The following RIMBP2 variants were observed in gnomAD, a reference collection of about 807,000 sequenced individuals.
The protein encoded by RIMBP2 is RIMS binding protein 2.
A neutral mutation model predicts 118.6 loss-of-function variants in RIMBP2; 48 were observed. That is an observed-to-expected ratio of 0.40 (90% CI 0.32 to 0.51). The LOEUF (loss-of-function observed/expected upper bound fraction) is 0.51, where lower values mean the gene tolerates loss of function less well. Ranked by LOEUF, RIMBP2 falls within the 20% of genes least tolerant of loss-of-function variation. The pLI is 0.41. For missense variants in RIMBP2, 1,551 were observed against 1,768.3 expected (o/e 0.88, Z 2.20); for synonymous variants, 762 against 742.9 (o/e 1.03, Z -0.42).
intron 2 of RIMBP2, among the ~76,000 whole-genome samples, chr12:130,558,859 C>T (rs1306747653): frequency 2.0e-5 from 3 of 152,010 alleles, no homozygotes; most frequent in Admixed American, 6.5e-5. Context: ...ATGACATTTG[C>T]TGTTAACAAA....
intron 1 of RIMBP2, among the ~76,000 whole-genome samples, chr12:130,639,487 C>CAAAAAAAAAAA (rs138670754): frequency 6.8e-5 from 6 of 88,062 alleles, no homozygotes; most frequent in African/African-American, 2.9e-4. Flanking sequence ...GATCCTGCCT[C>CAAAAAAAAAAA]AAAAAAAAAA....
intron 6 of RIMBP2, among the ~76,000 whole-genome samples, chr12:130,462,377 G>A (rs557695644): frequency 5.9e-5 from 9 of 152,282 alleles, no homozygotes; most frequent in South Asian, 4.1e-4. Flanking sequence ...GGAAGGCCGC[G>A]CTGCCGCAAG....
Position 130,414,221 on chromosome 12 carries a change from G to T in RIMBP2, c.3324C>A (p.Ile1108=). 6.2e-7 allele frequency: 1 copy of T among 1,614,218 alleles called. No individual in the cohort carries two copies. Among genetic ancestry groups the T allele is most frequent in the Non-Finnish European group, 8.5e-7 (1 of 1,180,028 alleles). ...GGTCGTAGTCAAAGAGAGCCACAAA[G>T]ATCCGGGCCGGGAGCTCTTCGGCAC... ...DPGAEELPAR[I]FVALFDYDPL... is the part of the protein sequence containing the mutation. The change falls in exon 18 of 23, where the codon ATC becomes ATA. Residue 1108 remains isoleucine, a synonymous_variant. Transcript: ENST00000690449.
Position 130,623,163 on chromosome 12 carries a change from G to A in RIMBP2, c.-217+5159C>T, listed in dbSNP as rs1270347201. On this transcript the variant is annotated intron_variant, in intron 2 of 22. Transcript: ENST00000690449. The surrounding 1 kb of genome is among the most constrained non-coding windows in gnomAD (Gnocchi z 4.1). ...TGAGGTAATTCCATCCTGCATTATT[G>A]AATTTAAAAAGCATATTATGATGAA... Among the ~76,000 whole-genome samples, 7 of 152,192 alleles carry A rather than the reference G, an allele frequency of 4.6e-5. No individual in the cohort carries two copies. Among genetic ancestry groups the A allele is most frequent in the Admixed American group, 1.3e-4 (2 of 15,286 alleles).
chr12:130,661,740 C>T (rs2063673604), intron 1 of RIMBP2, among the ~76,000 whole-genome samples: 1 of 152,166 alleles, frequency 6.6e-6, no homozygotes, highest in East Asian at 1.9e-4. Context: ...GTTTTGGTAA[C>T]TGATGAATCA....
chr12:130,589,975 G>A (rs761075878), intron 2 of RIMBP2, among the ~76,000 whole-genome samples: 19 of 152,180 alleles, frequency 1.2e-4, no homozygotes, highest in Non-Finnish European at 2.5e-4. Flanking sequence ...CTCCCCAGGT[G>A]CAGATGTGGT....
At chr12:130,580,181 G>GAGCA (rs1303789316) in intron 2 of RIMBP2, among the ~76,000 whole-genome samples, 1 of 144,212 alleles carries the variant, frequency 6.9e-6, no homozygotes, top group Non-Finnish European at 1.5e-5. Flanking sequence ...CTGGGTGACA[G>GAGCA]AGCAAGACTC....
At chr12:130,534,514 T>G (rs556396912) in intron 2 of RIMBP2, among the ~76,000 whole-genome samples, 9 of 152,324 alleles carry the variant, frequency 5.9e-5, no homozygotes, top group African/African-American at 2.2e-4. Flanking sequence ...AATATATCCA[T>G]GTAGCAAAAC....
intron 4 of RIMBP2, among the ~76,000 whole-genome samples, chr12:130,496,720 T>C (rs1408463386): frequency 1.3e-5 from 2 of 152,148 alleles, no homozygotes; most frequent in Non-Finnish European, 2.9e-5. Context: ...GATGGCCTCC[T>C]TCAGGCACAC....
At chr12:130,681,686 G>A (rs1046349625) in intron 1 of RIMBP2, among the ~76,000 whole-genome samples, 2 of 152,036 alleles carry the variant, frequency 1.3e-5, no homozygotes, top group Non-Finnish European at 2.9e-5. Context: ...AACCTCACGC[G>A]AGTATTTCTC....
chr12:130,686,067 C>G (rs1454989496), intron 1 of RIMBP2, among the ~76,000 whole-genome samples: 2 of 152,132 alleles, frequency 1.3e-5, no homozygotes, highest in Non-Finnish European at 2.9e-5. Context: ...CACCGCACAC[C>G]GCCCGGCACC....
At chr12:130,499,720 G>T (rs181528412) in intron 4 of RIMBP2, among the ~76,000 whole-genome samples, 1 of 152,212 alleles carries the variant, frequency 6.6e-6, no homozygotes, top group African/African-American at 2.4e-5. Context: ...CCACAGTGAG[G>T]TCTCCCCAAC....
Position 130,714,450 on chromosome 12 carries a change from G to C in RIMBP2, c.-352+1772C>G, listed in dbSNP as rs375783779. ...GGGAGGCCGGCTGCTATGCCCCGGG[G>C]AGGGCTGCGTGGCGCCTGCCTCCTG... On this transcript the variant is annotated intron_variant, in intron 1 of 22. Transcript: ENST00000690449. 5.9e-5 allele frequency among the ~76,000 whole-genome samples: 9 copies of C among 152,220 alleles called. No homozygotes were observed. In the East Asian group the frequency reaches 1.7e-3, roughly 29 times the overall value.
intron 2 of RIMBP2, among the ~76,000 whole-genome samples, chr12:130,532,274 T>C (rs199566339): frequency 0.031 from 2,728 of 87,576 alleles, 1 homozygote; most frequent in Non-Finnish European, 0.049. Flanking sequence ...GAGATGCGTA[T>C]GTTTAGCCTC....
At chr12:130,682,522 A>G (rs1301636747) in intron 1 of RIMBP2, among the ~76,000 whole-genome samples, 1 of 152,274 alleles carries the variant, frequency 6.6e-6, no homozygotes. Context: ...CAAATCATGC[A>G]CGGCGCACCA....
At chr12:130,605,704 G>A (rs1300048698) in intron 2 of RIMBP2, among the ~76,000 whole-genome samples, 1 of 152,190 alleles carries the variant, frequency 6.6e-6, no homozygotes, top group South Asian at 2.1e-4. Flanking sequence ...GCGTCTGTGT[G>A]CTGTGTGGGG....
chr12:130,451,391 C>G (rs745681129), intron 7 of RIMBP2, 51 bp from the exon 8 acceptor site: 3 of 1,560,152 alleles, frequency 1.9e-6, no homozygotes, highest in Non-Finnish European at 2.6e-6. Context: ...ATAACATCGT[C>G]AAAGCACGTT....
rs937040897 is a variant in RIMBP2 at position 130,396,503 on chromosome 12, T to G, written c.*858A>C. On this transcript the variant is annotated 3_prime_UTR_variant, in exon 23 of 23. Transcript: ENST00000690449. ...GGTATGGACTCATTTGGAGCAGATT[T>G]AAATTGAGTCTGGTTTTGGTGTGGC... 5.9e-5 allele frequency: 9 copies of G among 152,644 alleles called. No individual in the cohort carries two copies. Among genetic ancestry groups the G allele is most frequent in the African/African-American group, 2.2e-4 (9 of 41,466 alleles). 9.5% of individuals were successfully genotyped at this position (152,644 alleles called of 1,614,324 possible).
intron 4 of RIMBP2, among the ~76,000 whole-genome samples, chr12:130,486,112 G>A (rs149528603): frequency 1.1e-4 from 17 of 152,026 alleles, no homozygotes; most frequent in Admixed American, 1.1e-3. Flanking sequence ...CATCTCACAC[G>A]CTCTTCCAGC....
Sources: allele counts gnomAD v4.1 joint callset (sites outside exome capture counted in the v4.1 genomes callset), GRCh38; gene constraint gnomAD v4.1.1; non-coding constraint Gnocchi (gnomAD v3.1); transcripts MANE v1.5; gene names NCBI Gene and HGNC (gene_info 2026-07-23, HGNC 2026-07-21).